FKBP5: variants seen among roughly 807,000 people sequenced by gnomAD.
FKBP5 encodes the protein FKBP prolyl isomerase 5, also known as peptidyl-prolyl cis-trans isomerase FKBP5.
In FKBP5, 23 loss-of-function variants were observed where a neutral mutation model predicts 50.5. That is an observed-to-expected ratio of 0.46 (90% CI 0.33 to 0.65). The LOEUF (loss-of-function observed/expected upper bound fraction) is 0.65, where lower values mean the gene tolerates loss of function less well. Ranked by LOEUF, FKBP5 falls within the 30% of genes least tolerant of loss-of-function variation. The probability of loss-of-function intolerance (pLI) is 0.02; values close to 1 mark genes in which losing one functional copy is unlikely to be tolerated. For missense variants in FKBP5, 411 were observed against 553.1 expected, an observed-to-expected ratio of 0.74 and a Z score of 2.58; for synonymous variants, 176 against 190.6, an observed-to-expected ratio of 0.92 and a Z score of 0.63.
At chr6:35,691,762 A>G (rs1016322818), upstream of FKBP5, among the ~76,000 whole-genome samples, 2 of 152,170 alleles carry the variant, frequency 1.3e-5, no homozygotes, top group Non-Finnish European at 2.9e-5. Flanking sequence ...TTCAAAGATG[A>G]CATGCGCTAT....
intron 1 of FKBP5, among the ~76,000 whole-genome samples, chr6:35,724,097 G>A (rs998413989): frequency 1.4e-4 from 22 of 152,250 alleles, no homozygotes; most frequent in Non-Finnish European, 2.8e-4. Context: ...GCCAGGGATT[G>A]ACATAATGGT....
At chr6:35,671,687 A>ACTATGGGT (rs1765392503) in intron 1 of FKBP5, among the ~76,000 whole-genome samples, 2 of 152,212 alleles carry the variant, frequency 1.3e-5, no homozygotes, top group South Asian at 4.1e-4. Flanking sequence ...TAAATTTAAA[A>ACTATGGGT]GGCTAGCAAC....
At chr6:35,728,128 G>A (rs1354298832) in intron 1 of FKBP5, among the ~76,000 whole-genome samples, 1 of 152,194 alleles carries the variant, frequency 6.6e-6, no homozygotes, top group Admixed American at 6.5e-5. Context: ...ACAATGTCCC[G>A]AGCGGGCGGG....
At chr6:35,702,513 C>T (rs1766208321) in intron 2 of FKBP5, among the ~76,000 whole-genome samples, 1 of 151,054 alleles carries the variant, frequency 6.6e-6, no homozygotes, top group South Asian at 2.1e-4. Context: ...AGTGCAGTGG[C>T]ATGATCTCGG....
chr6:35,697,744 G>C (rs2151017763), intron 2 of FKBP5, among the ~76,000 whole-genome samples: 1 of 152,152 alleles, frequency 6.6e-6, no homozygotes, highest in African/African-American at 2.4e-5. Flanking sequence ...AGGGGAGGAT[G>C]GGAAGGTGAT....
intron 6 of FKBP5, among the ~76,000 whole-genome samples, chr6:35,591,608 G>C (rs1366768416): frequency 3.3e-5 from 5 of 152,088 alleles, no homozygotes; most frequent in Admixed American, 6.5e-5. Flanking sequence ...TCAGCAAAAA[G>C]GACAGAGAAG....
chr6:35,584,444 G>T, intron 8 of FKBP5: 1 of 985,464 alleles, frequency 1.0e-6, no homozygotes, highest in Non-Finnish European at 1.2e-6. Context: ...GCCCATCTCT[G>T]CTCTCACCTA....
At position 35,574,670 on chromosome 6, in the gene FKBP5, TGTA is replaced by T. The variant is rs1404631462; in HGVS notation, c.*1162_*1164del. Reference sequence around the variant, plus strand: ...TCAAACCTGCAGGTGAAACCCCTAGTGTAGAAGAGCAACTATTTATTTGTCAAC... The same window carrying T: ...TCAAACCTGCAGGTGAAACCCCTAGTGAAGAGCAACTATTTATTTGTCAAC... On this transcript the variant is annotated 3_prime_UTR_variant, in exon 11 of 11. Transcript: ENST00000357266. 1 of 152,616 alleles carries T rather than the reference TGTA, an allele frequency of 6.6e-6. No homozygotes were observed. Among genetic ancestry groups the T allele is most frequent in the Non-Finnish European group, 1.5e-5 (1 of 68,038 alleles). The allele number at this position is 152,616 out of a possible 1,614,324, so 9.5% of individuals were successfully genotyped here.
rs146360128 is a variant in FKBP5, at chr6:35,640,912, G to T, written c.105+1808C>A. Among the ~76,000 whole-genome samples the T allele has an allele frequency of 6.4e-4, 98 of 152,254 alleles. 1 individual carries two copies. The highest frequency in any genetic ancestry group is 2.3e-3 in the African/African-American group (96 of 41,564). On this transcript the variant is annotated intron_variant, in intron 2 of 10. Transcript: ENST00000357266. ...TCAGGACAGTAACATGCATGGAGCT[G>T]CTGTCTCCTATAATAACAATGCCTT...
chr6:35,624,034 T>C (rs987711985), intron 3 of FKBP5, among the ~76,000 whole-genome samples: 26 of 152,094 alleles, frequency 1.7e-4, no homozygotes, highest in Middle Eastern at 3.2e-3. Context: ...AGGGTCTTGC[T>C]ATGTTGCTCA....
At chr6:35,647,667 G>A (rs1279582023) in intron 1 of FKBP5, among the ~76,000 whole-genome samples, 6 of 152,214 alleles carry the variant, frequency 3.9e-5, no homozygotes, top group Admixed American at 3.9e-4. Flanking sequence ...CAGCATCTGG[G>A]GGAAAAAGCA....
At chr6:35,644,201 T>C (rs1052353427) in intron 1 of FKBP5, among the ~76,000 whole-genome samples, 9 of 152,202 alleles carry the variant, frequency 5.9e-5, no homozygotes, top group Admixed American at 4.6e-4. Context: ...AGGCTAATCA[T>C]AGGCTAAGCA....
At chr6:35,584,567 A>G in intron 8 of FKBP5, 1 of 985,460 alleles carries the variant, frequency 1.0e-6, no homozygotes, top group Non-Finnish European at 1.2e-6. Context: ...GGAAGGGAAT[A>G]TGTACAGGAA....
At chr6:35,665,889 T>C (rs974872424) in intron 1 of FKBP5, among the ~76,000 whole-genome samples, 7 of 152,226 alleles carry the variant, frequency 4.6e-5, no homozygotes, top group African/African-American at 1.4e-4. Context: ...CAATAAATTA[T>C]GTGAGACATT....
At chr6:35,628,866 T>G (rs1764072293) in intron 3 of FKBP5, among the ~76,000 whole-genome samples, 1 of 152,132 alleles carries the variant, frequency 6.6e-6, no homozygotes, top group African/African-American at 2.4e-5. Context: ...TATAGGCATG[T>G]GCCACCACAC....
chr6:35,639,927 T>C (rs1457451556), intron 2 of FKBP5, among the ~76,000 whole-genome samples: 1 of 152,236 alleles, frequency 6.6e-6, no homozygotes, highest in Admixed American at 6.5e-5. Flanking sequence ...TTACATGTGT[T>C]AACAATGGTG....
chr6:35,608,482 C>G (rs893723658), intron 5 of FKBP5, among the ~76,000 whole-genome samples: 2 of 152,074 alleles, frequency 1.3e-5, no homozygotes, highest in African/African-American at 4.8e-5. Context: ...ATCGCTTATG[C>G]CCTGGAGTTC....
At chr6:35,682,433 A>G (rs1765692555) in intron 1 of FKBP5, among the ~76,000 whole-genome samples, 1 of 152,190 alleles carries the variant, frequency 6.6e-6, no homozygotes, top group Non-Finnish European at 1.5e-5. Flanking sequence ...CTAACAATGG[A>G]GGAGGTTCTT....
intron 4 of FKBP5, among the ~76,000 whole-genome samples, 154 bp from the exon 5 acceptor site, chr6:35,619,364 CAA>C (rs75235862): frequency 3.1e-5 from 4 of 130,840 alleles, no homozygotes; most frequent in Non-Finnish European, 5.0e-5. Context: ...GGAAAAGTAG[CAA>C]AAAAAAAAAA....
Sources: allele counts gnomAD v4.1 joint callset (sites outside exome capture counted in the v4.1 genomes callset), GRCh38; gene constraint gnomAD v4.1.1; transcripts MANE v1.5; gene names NCBI Gene and HGNC (gene_info 2026-07-23, HGNC 2026-07-21).